Variants in CD200R1L observed in about 807,000 individuals in gnomAD.
CD200R1L encodes cell surface glycoprotein CD200 receptor 2.
CD200R1L carries 14 observed loss-of-function variants against 24.8 expected under a neutral mutation model. The ratio of observed to expected loss-of-function variants is 0.56; its 90% CI spans 0.37 to 0.88. CD200R1L has a LOEUF of 0.88. Ranked by LOEUF, CD200R1L falls within the 40% of genes least tolerant of loss-of-function variation. The probability of loss-of-function intolerance (pLI) is 0.00; values close to 1 mark genes in which losing one functional copy is unlikely to be tolerated. For missense variants in CD200R1L, 299 were observed against 297.8 expected (o/e 1.00, Z -0.03); for synonymous variants, 111 against 109.2 (o/e 1.02, Z -0.11).
intron 6 of CD200R1L, among the ~76,000 whole-genome samples, chr3:112,824,903 G>T (rs1262748885): frequency 1.3e-5 from 2 of 152,186 alleles, no homozygotes; most frequent in Non-Finnish European, 2.9e-5. Context: ...TGCAATGGAA[G>T]AAGAAAGTAT....
chr3:112,827,067 C>CAGGTCACAGTACATG lies in CD200R1L; in HGVS notation c.541_542insCATGTACTGTGACCT (p.Gly181delinsAlaCysThrValThrCys), dbSNP rs748769609. 3.7e-6 allele frequency: 6 copies of CAGGTCACAGTACATG among 1,613,226 alleles called. No individual in the cohort carries two copies. The highest frequency in any genetic ancestry group is 4.2e-6 in the Non-Finnish European group (5 of 1,179,988). On this transcript the variant is annotated protein_altering_variant, in exon 6 of 8. Transcript: ENST00000488794. Reference sequence around the variant, plus strand: ...ATGGCAGGTCACAGTAGACTTGTGGCCCTCCCAGGGGCATGTACTCTTAAC... The same window carrying CAGGTCACAGTACATG: ...ATGGCAGGTCACAGTAGACTTGTGGCAGGTCACAGTACATGCCTCCCAGGGGCATGTACTCTTAAC...
rs751603639 is a variant in CD200R1L at position 112,845,730 on chromosome 3, C to CT, written c.-139dup. The stretch of plus-strand genomic sequence containing the variant: ...AGTAATCTTGGAGCTGACATCTTCC[C>CT]TAAAGTATGCTTTTGGAGTGGTTTT... On this transcript the variant is annotated 5_prime_UTR_variant, in exon 2 of 8. Coordinates refer to ENST00000488794, the MANE Select transcript of CD200R1L (RefSeq NM_001199215.3). The CT allele has an allele frequency of 1.7e-5, 28 of 1,612,216 alleles. No individual in the cohort carries two copies. The African/African-American group carries it at 3.3e-4, about 19-fold the overall frequency.
intron 6 of CD200R1L, among the ~76,000 whole-genome samples, chr3:112,820,879 G>A (rs113013838): frequency 0.19 from 28,135 of 151,122 alleles, 3,161 homozygotes; most frequent in African/African-American, 0.3. Flanking sequence ...CCAACATGGT[G>A]AAACCATGTT....
At chr3:112,823,636 C>T (rs969163680) in intron 6 of CD200R1L, among the ~76,000 whole-genome samples, 1 of 152,136 alleles carries the variant, frequency 6.6e-6, no homozygotes, top group Non-Finnish European at 1.5e-5. Context: ...GGTGCTATGA[C>T]AGAGGCATGC....
At chr3:112,824,435 G>A (rs1938611449) in intron 6 of CD200R1L, among the ~76,000 whole-genome samples, 1 of 152,158 alleles carries the variant, frequency 6.6e-6, no homozygotes, top group African/African-American at 2.4e-5. Flanking sequence ...TTTGGTCACT[G>A]TGTAGCCAAG....
intron 2 of CD200R1L, among the ~76,000 whole-genome samples, chr3:112,842,102 C>T (rs1939096605): frequency 6.6e-6 from 1 of 152,172 alleles, no homozygotes; most frequent in East Asian, 1.9e-4. Flanking sequence ...AGGCTTGGGA[C>T]AAAACTAGCT....
intron 6 of CD200R1L, among the ~76,000 whole-genome samples, chr3:112,825,223 A>T (rs1489553201): frequency 6.6e-6 from 1 of 150,992 alleles, no homozygotes; most frequent in African/African-American, 2.4e-5. Flanking sequence ...TGGGCGACAG[A>T]GCGAGACTCT....
rs200765408 is a variant in CD200R1L, at chr3:112,827,522, T to C, written c.212A>G (p.Asn71Ser). 973 of 1,614,116 alleles carry C rather than the reference T, an allele frequency of 6.0e-4. No homozygotes were observed. Among genetic ancestry groups the C allele is most frequent in the Non-Finnish European group, 7.2e-4 (852 of 1,180,052 alleles). ...KKETNETKET[N>S]CTVERITWVS... ...CCAGGTTATTCTCTCAACAGTACAG[T>C]TGGTTTCCTTGGTCTCATTTGTTTC... is the stretch of plus-strand genomic sequence containing the variant. Residue 71 changes from asparagine (N) to serine (S), a missense_variant, in exon 5 of 8, where the codon AAC becomes AGC. By Grantham distance (46) the Asn-to-Ser change is conservative. Coordinates refer to ENST00000488794, the MANE Select transcript of CD200R1L (RefSeq NM_001199215.3).
chr3:112,843,775 A>T (rs892514741), intron 2 of CD200R1L, among the ~76,000 whole-genome samples: 3 of 152,190 alleles, frequency 2.0e-5, no homozygotes, highest in African/African-American at 7.2e-5. Context: ...AAAGAACAAG[A>T]CCTAACCATC....
At position 112,829,024 on chromosome 3, in the gene CD200R1L, G is replaced by A. The variant is rs111744214; in HGVS notation, c.49+295C>T. Among the ~76,000 whole-genome samples the A allele has an allele frequency of 6.4e-4, 97 of 152,290 alleles. 1 individual carries two copies. The highest frequency in any genetic ancestry group is 2.2e-3 in the African/African-American group (92 of 41,558). On this transcript the variant is annotated intron_variant, in intron 4 of 7. Transcript: ENST00000488794. ...CCCTTATATTTGACAGTCAAATAAT[G>A]ATCACATAACCAGATGCAGAAAGAA... is the stretch of plus-strand genomic sequence containing the variant.
chr3:112,833,257 G>T (rs1306231978), intron 3 of CD200R1L, among the ~76,000 whole-genome samples: 1 of 152,132 alleles, frequency 6.6e-6, no homozygotes, highest in Admixed American at 6.5e-5. Flanking sequence ...ATCTGTAACA[G>T]GTCCATGCTA....
chr3:112,840,263 A>G (rs1939047591), intron 2 of CD200R1L, among the ~76,000 whole-genome samples: 1 of 152,180 alleles, frequency 6.6e-6, no homozygotes, highest in Admixed American at 6.5e-5. Flanking sequence ...AAAGAGGTTT[A>G]GTTGGCTCAT....
At chr3:112,841,295 C>T (rs1347414874) in intron 2 of CD200R1L, 2 of 451,640 alleles carry the variant, frequency 4.4e-6, no homozygotes, top group African/African-American at 2.0e-5. Context: ...CACATTTCCA[C>T]CATGATTGTA....
Position 112,827,234 on chromosome 3 carries a change from G to A in CD200R1L, c.375C>T (p.Pro125=), listed in dbSNP as rs779461488. Residue 125 remains proline, a synonymous_variant, in exon 6 of 8, where the codon CCC becomes CCT. Transcript: ENST00000488794. ...TCCTGCTTTGAAATAGGTTCACTTC[G>A]GGTGTAACTGCAGAGAGGAAAGAGG... The part of the protein sequence containing the change: ...RGYHLQVLVT[P]EVNLFQSRNI... The A allele has an allele frequency of 4.3e-6, 7 of 1,610,056 alleles. No individual in the cohort carries two copies. Among genetic ancestry groups the A allele is most frequent in the South Asian group, 3.3e-5 (3 of 90,596 alleles).
intron 3 of CD200R1L, among the ~76,000 whole-genome samples, chr3:112,830,191 T>C (rs1938763114): frequency 6.6e-6 from 1 of 152,220 alleles, no homozygotes; most frequent in South Asian, 2.1e-4. Flanking sequence ...CCAAATCTGA[T>C]GATGTGCAAT....
At chr3:112,835,281 A>G (rs1358468442) in intron 3 of CD200R1L, among the ~76,000 whole-genome samples, 12 of 152,176 alleles carry the variant, frequency 7.9e-5, no homozygotes, top group Non-Finnish European at 1.5e-5. Flanking sequence ...TTTGGTTCCT[A>G]GTAGAGAAGA....
intron 2 of CD200R1L, among the ~76,000 whole-genome samples, chr3:112,843,627 T>G (rs1413751829): frequency 1.3e-5 from 2 of 152,186 alleles, no homozygotes; most frequent in Non-Finnish European, 2.9e-5. Flanking sequence ...GACATAGCCC[T>G]ATAAAGAAAC....
intron 6 of CD200R1L, 108 bp downstream of exon 6, chr3:112,826,885 C>T (rs1938667515): frequency 7.8e-7 from 1 of 1,281,302 alleles, no homozygotes; most frequent in Admixed American, 2.4e-5. Context: ...AGAATATTTT[C>T]AAGCTAGGAG....
chr3:112,823,077 A>G (rs1270942121), intron 6 of CD200R1L, among the ~76,000 whole-genome samples: 1 of 152,238 alleles, frequency 6.6e-6, no homozygotes, highest in African/African-American at 2.4e-5. Context: ...CTTTAATTAA[A>G]TCATTATAAC....
Sources: allele counts gnomAD v4.1 joint callset (sites outside exome capture counted in the v4.1 genomes callset), GRCh38; gene constraint gnomAD v4.1.1; transcripts MANE v1.5; gene names NCBI Gene and HGNC (gene_info 2026-07-23, HGNC 2026-07-21).